The following ODF2 variants were observed in gnomAD, a reference collection of about 807,000 sequenced individuals.
ODF2 encodes the protein outer dense fiber protein 2.
ODF2 carries 47 observed loss-of-function variants against 110.2 expected under a neutral mutation model. That is an observed-to-expected ratio of 0.43 (90% confidence interval 0.34 to 0.54). The LOEUF (loss-of-function observed/expected upper bound fraction) is 0.54. ODF2 is among the 20% of genes least tolerant of loss of function. The pLI, the probability that ODF2 is intolerant of heterozygous loss-of-function variation, is 0.03. For synonymous variants in ODF2, 352 were observed against 397.7 expected, an observed-to-expected ratio of 0.89 and a Z score of 1.37; for missense variants, 812 against 1,054.5, an observed-to-expected ratio of 0.77 and a Z score of 3.19.
intron 17 of ODF2, 92 bp from the exon 18 acceptor site, chr9:128,495,949 C>T (rs1241910227): frequency 2.7e-6 from 4 of 1,494,908 alleles, no homozygotes; most frequent in Non-Finnish European, 3.7e-6. Context: ...CACTGTGCCC[C>T]TTTCCTGGGT....
At chr9:128,456,186 G>A in exon 1 of ODF2, 1 of 1,549,374 alleles carries the variant, frequency 6.5e-7, no homozygotes, top group Non-Finnish European at 8.7e-7. Context: ...CGTCTCCATG[G>A]CACGACCCTG....
At chr9:128,465,932 G>C (rs1194019399) in intron 4 of ODF2, among the ~76,000 whole-genome samples, 1 of 151,988 alleles carries the variant, frequency 6.6e-6, no homozygotes, top group Non-Finnish European at 1.5e-5. Context: ...CTGAGATCAG[G>C]AGTTTGAGAC....
rs1845177377 is a variant in ODF2, at chr9:128,494,178, A to G, written c.1753-332A>G. The stretch of plus-strand genomic sequence containing the variant: ...AAATGACTTAGCTCTCTTGATGCTT[A>G]CTATACTTGTATGGGGACAGCATCA... On this transcript the variant is annotated intron_variant, in intron 16 of 20. Coordinates refer to ENST00000604420, the Ensembl canonical transcript of ODF2. This position sits in a 1 kb window ranked among gnomAD's most constrained non-coding sequence, Gnocchi z 4.6. 6.6e-6 allele frequency among the ~76,000 whole-genome samples: 1 copy of G among 152,130 alleles called. No individual in the cohort carries two copies. The highest frequency in any genetic ancestry group is 2.1e-4 in the South Asian group (1 of 4,834).
chr9:128,492,066 T>C (rs1412805222), intron 14 of ODF2, among the ~76,000 whole-genome samples: 1 of 152,034 alleles, frequency 6.6e-6, no homozygotes, highest in African/African-American at 2.4e-5. Context: ...AGGATTTCAC[T>C]GTGTTAGCCA....
intron 18 of ODF2, chr9:128,497,458 T>C (rs1218962911): frequency 2.5e-5 from 2 of 78,956 alleles, no homozygotes; most frequent in African/African-American, 1.4e-4. Context: ...TATATATATA[T>C]ATATATATAT....
chr9:128,464,522 C>T (rs1002280817), intron 4 of ODF2, among the ~76,000 whole-genome samples: 5 of 151,260 alleles, frequency 3.3e-5, no homozygotes, highest in South Asian at 2.1e-4. Context: ...TTTTTTGAGA[C>T]GGAGTCTTGT....
chr9:128,483,551 C>T (rs1465201661), intron 10 of ODF2, among the ~76,000 whole-genome samples: 2 of 151,314 alleles, frequency 1.3e-5, no homozygotes, highest in Non-Finnish European at 2.9e-5. Context: ...CCACTGCACT[C>T]CAGCCTTGGC....
chr9:128,464,999 T>G (rs1837481873), intron 4 of ODF2, among the ~76,000 whole-genome samples: 1 of 152,124 alleles, frequency 6.6e-6, no homozygotes, highest in Non-Finnish European at 1.5e-5. Flanking sequence ...CTGGCCTCCT[T>G]GGTAGTTTTC....
upstream of ODF2, chr9:128,455,864 G>A (rs1834650188): frequency 9.9e-7 from 1 of 1,012,418 alleles, no homozygotes; most frequent in South Asian, 2.0e-5. Context: ...TGAGTGAGGG[G>A]AATCCGGGAG....
upstream of ODF2, chr9:128,455,437 C>A (rs960546195): frequency 4.2e-5 from 15 of 359,004 alleles, no homozygotes; most frequent in African/African-American, 2.8e-4. Context: ...GCCAGTAGTC[C>A]CAGTTACTCG....
chr9:128,493,588 G>A (rs1460933624), intron 16 of ODF2, among the ~76,000 whole-genome samples: 1 of 152,118 alleles, frequency 6.6e-6, no homozygotes, highest in African/African-American at 2.4e-5. Flanking sequence ...AGAGCAGCGG[G>A]ATTATCTTAA....
intron 18 of ODF2, 71 bp downstream of exon 18, chr9:128,496,212 T>C (rs1845536467): frequency 6.2e-7 from 1 of 1,602,404 alleles, no homozygotes; most frequent in Non-Finnish European, 8.5e-7. Flanking sequence ...AGCTGTTTTT[T>C]GCTTAGTGTG....
intron 10 of ODF2, among the ~76,000 whole-genome samples, chr9:128,483,139 C>T (rs1459025042): frequency 6.6e-6 from 1 of 152,122 alleles, no homozygotes. Flanking sequence ...CGTGATCTGC[C>T]TGCCTCGGCC....
intron 13 of ODF2, among the ~76,000 whole-genome samples, chr9:128,487,067 C>T (rs1301431073): frequency 6.6e-6 from 1 of 150,692 alleles, no homozygotes; most frequent in Non-Finnish European, 1.5e-5. Context: ...GGTACACATC[C>T]CTCTCTCTCT....
intron 3 of ODF2, chr9:128,460,281 G>A (rs1836079931): frequency 1.5e-6 from 2 of 1,375,168 alleles, no homozygotes; most frequent in South Asian, 1.2e-5. Flanking sequence ...GCCGGCGTCT[G>A]GGATCTGTTC....
intron 6 of ODF2, 84 bp from the exon 7 acceptor site, chr9:128,472,829 C>A: frequency 6.3e-7 from 1 of 1,594,352 alleles, no homozygotes; most frequent in South Asian, 1.1e-5. Context: ...GAGGTGAGCC[C>A]CCTAGGGCAT....
intron 16 of ODF2, among the ~76,000 whole-genome samples, chr9:128,493,412 A>C (rs904925562): frequency 6.6e-6 from 1 of 152,082 alleles, no homozygotes; most frequent in African/African-American, 2.4e-5. Flanking sequence ...ACAAACAAAA[A>C]ACCTCATGCT....
rs117728664 is a variant in ODF2 at position 128,472,791 on chromosome 9, T to C, written c.582-122T>C. On this transcript the variant is annotated intron_variant, in intron 6 of 20. Transcript: ENST00000604420. ...CCACCCAGGCCAGAAGGGCTGTCCCTGCCCCCTCCCCTACTTTTCCCTGAC... is the reference window on the plus strand; with the variant it reads ...CCACCCAGGCCAGAAGGGCTGTCCCCGCCCCCTCCCCTACTTTTCCCTGAC... 1.3e-3 allele frequency: 1,900 copies of C among 1,469,886 alleles called. 5 individuals carry two copies. Among genetic ancestry groups the C allele is most frequent in the Non-Finnish European group, 1.6e-3 (1,773 of 1,084,682 alleles). The allele number at this position is 1,469,886 out of a possible 1,614,324, so 91.1% of individuals were successfully genotyped here.
chr9:128,471,839 T>G (rs1338824413), intron 6 of ODF2, among the ~76,000 whole-genome samples: 4 of 152,034 alleles, frequency 2.6e-5, no homozygotes, highest in African/African-American at 9.7e-5. Context: ...GGGAAAGTGT[T>G]TGTAGCTGAG....
Sources: gnomAD v4.1 joint callset for allele counts (sites outside exome capture counted in the v4.1 genomes callset) on GRCh38, gnomAD v4.1.1 for gene constraint, Gnocchi (gnomAD v3.1) non-coding constraint, MANE v1.5 for transcripts, NCBI Gene and HGNC (gene_info 2026-07-23, HGNC 2026-07-21) for gene names.